DPP6: variants seen among roughly 807,000 people sequenced by gnomAD.
DPP6 encodes A-type potassium channel modulatory protein DPP6.
A neutral mutation model predicts 122.6 loss-of-function variants in DPP6; 69 were observed. The ratio of observed to expected loss-of-function variants is 0.56; its 90% CI spans 0.46 to 0.69. The LOEUF (loss-of-function observed/expected upper bound fraction) is 0.69. Ranked by LOEUF, DPP6 falls within the 30% of genes least tolerant of loss-of-function variation. The pLI, the probability that DPP6 is intolerant of heterozygous loss-of-function variation, is 0.00. For missense variants in DPP6, 928 were observed against 1,116.9 expected (o/e 0.83, Z 2.41); for synonymous variants, 418 against 433.1 (o/e 0.97, Z 0.43).
intron 4 of DPP6, among the ~76,000 whole-genome samples, chr7:154,558,941 A>G (rs1330959750): frequency 2.6e-5 from 4 of 152,210 alleles, no homozygotes; most frequent in Non-Finnish European, 5.9e-5. Context: ...GGAAAACAAA[A>G]AGTCCTAAAT....
At chr7:154,267,595 A>T (rs563142839) in intron 1 of DPP6, among the ~76,000 whole-genome samples, 2 of 151,160 alleles carry the variant, frequency 1.3e-5, no homozygotes, top group African/African-American at 4.8e-5. Context: ...ACATACATAT[A>T]TATGTGCATG....
At chr7:153,924,225 C>T (rs1186089792) in intron 1 of DPP6, among the ~76,000 whole-genome samples, 4 of 152,056 alleles carry the variant, frequency 2.6e-5, no homozygotes, top group Non-Finnish European at 5.9e-5. Context: ...TCTCCTGCCT[C>T]AGCCTCCCGA....
At chr7:153,777,162 C>T in the DPP6 span, among the ~76,000 whole-genome samples, 3 of 152,130 alleles carry the variant, frequency 2.0e-5, no homozygotes, top group African/African-American at 7.2e-5. Flanking sequence ...TATGGAAATG[C>T]AAAAACTCCA....
intron 4 of DPP6, among the ~76,000 whole-genome samples, chr7:154,545,502 TC>T (rs1376924999): frequency 1.6e-5 from 2 of 128,386 alleles, no homozygotes; most frequent in African/African-American, 5.7e-5. Context: ...CTTCCATCCT[TC>T]CTTCCTTCCT....
intron 1 of DPP6, among the ~76,000 whole-genome samples, chr7:154,226,118 G>A (rs573033988): frequency 3.3e-5 from 5 of 152,296 alleles, no homozygotes; most frequent in Admixed American, 1.3e-4. Context: ...CCATGGAGAA[G>A]TGGGAGGAAG....
chr7:154,201,626 G>A (rs562743250), intron 1 of DPP6, among the ~76,000 whole-genome samples: 2 of 152,294 alleles, frequency 1.3e-5, no homozygotes, highest in South Asian at 2.1e-4. Context: ...GGTTGGCTAC[G>A]TGCAGTGAAT....
chr7:153,855,978 A>G, the DPP6 span, among the ~76,000 whole-genome samples: 5 of 152,184 alleles, frequency 3.3e-5, no homozygotes, highest in African/African-American at 9.6e-5. Flanking sequence ...GAAGTTAAAC[A>G]ATTGCCTCAA....
chr7:154,858,338 T>A (rs1269717985), intron 17 of DPP6: 3 of 151,730 alleles, frequency 2.0e-5, no homozygotes, highest in Non-Finnish European at 4.4e-5. Flanking sequence ...AGCAGAGGAG[T>A]TGCATCTCGG....
chr7:154,088,595 TAGC>T (rs1804601589), intron 1 of DPP6, among the ~76,000 whole-genome samples: 1 of 148,478 alleles, frequency 6.7e-6, no homozygotes, highest in African/African-American at 2.5e-5. Flanking sequence ...TGGGACTTGA[TAGC>T]AGCAGATGTG....
chr7:154,156,095 ACCCACCCGCCC>A (rs1796663955), intron 1 of DPP6, among the ~76,000 whole-genome samples: 1 of 151,374 alleles, frequency 6.6e-6, no homozygotes, highest in East Asian at 2.0e-4. Context: ...CCAACCCTCC[ACCCACCCGCCC>A]CATGCATGAG....
intron 1 of DPP6, among the ~76,000 whole-genome samples, chr7:154,324,864 G>GTTTTTTT (rs1172014611): frequency 1.8e-4 from 11 of 59,604 alleles, no homozygotes; most frequent in African/African-American, 2.5e-4. Flanking sequence ...CTTTCCTTTT[G>GTTTTTTT]TTATTTTTTT....
chr7:154,843,582 C>T (rs1801723992), intron 16 of DPP6, among the ~76,000 whole-genome samples: 1 of 152,182 alleles, frequency 6.6e-6, no homozygotes, highest in South Asian at 2.1e-4. Flanking sequence ...AAGGTATCCC[C>T]ATCACAGAGA....
chr7:154,138,220 C>A (rs1455956096), intron 1 of DPP6, among the ~76,000 whole-genome samples: 2 of 152,316 alleles, frequency 1.3e-5, no homozygotes, highest in East Asian at 3.9e-4. Context: ...TTATGAGACA[C>A]AGCCAAGATG....
chr7:154,887,194 G>A (rs908907116), intron 22 of DPP6, among the ~76,000 whole-genome samples: 1 of 152,108 alleles, frequency 6.6e-6, no homozygotes, highest in Non-Finnish European at 1.5e-5. Flanking sequence ...GAGCCCTTTC[G>A]GCCCTCAGCC....
chr7:154,697,669 C>G lies in DPP6; in HGVS notation c.762+28228C>G, dbSNP rs561725156. Among the ~76,000 whole-genome samples, 28 of 152,320 alleles carry G rather than the reference C, an allele frequency of 1.8e-4. 1 individual carries two copies. Among genetic ancestry groups the G allele is most frequent in the African/African-American group, 6.7e-4 (28 of 41,572 alleles). ...ATTGTTTTCTCTGTTGATATAAAGA[C>G]TGGTTTTCAGACAGAGGCAATAAGG... On this transcript the variant is annotated intron_variant, in intron 7 of 25. Coordinates refer to ENST00000377770, the MANE Select transcript of DPP6 (RefSeq NM_130797.4).
At chr7:153,832,544 G>T in the DPP6 span, among the ~76,000 whole-genome samples, 1 of 152,226 alleles carries the variant, frequency 6.6e-6, no homozygotes, top group Non-Finnish European at 1.5e-5. Flanking sequence ...TAGGCTAGTG[G>T]TGTGTTCTTC....
At chr7:153,954,947 A>G (rs1408382409) in intron 1 of DPP6, among the ~76,000 whole-genome samples, 1 of 152,086 alleles carries the variant, frequency 6.6e-6, no homozygotes, top group Non-Finnish European at 1.5e-5. Flanking sequence ...AATCCTTACT[A>G]TCGGGAAGGT....
intron 5 of DPP6, among the ~76,000 whole-genome samples, chr7:154,579,660 C>T (rs1277643017): frequency 2.0e-5 from 3 of 152,186 alleles, no homozygotes; most frequent in African/African-American, 7.2e-5. Context: ...CAGCCATGTC[C>T]TCTTCTGCCC....
intron 6 of DPP6, among the ~76,000 whole-genome samples, chr7:154,639,625 G>T (rs1476125578): frequency 6.6e-6 from 1 of 152,176 alleles, no homozygotes; most frequent in African/African-American, 2.4e-5. Context: ...CTTGGCACAG[G>T]AGTTTGCTGA....
Sources: gnomAD v4.1 joint callset for allele counts (sites outside exome capture counted in the v4.1 genomes callset) on GRCh38, gnomAD v4.1.1 for gene constraint, MANE v1.5 for transcripts, NCBI Gene and HGNC (gene_info 2026-07-23, HGNC 2026-07-21) for gene names.